The following ANO6 variants were observed in gnomAD, a reference collection of about 807,000 sequenced individuals.
ANO6 encodes anoctamin-6.
Under a neutral mutation model 117.5 loss-of-function variants are expected in ANO6, and 106 were observed. The ratio of observed to expected loss-of-function variants is 0.90; its 90% CI spans 0.77 to 1.06. The LOEUF (loss-of-function observed/expected upper bound fraction) is 1.06. Among genes scored for constraint, ANO6 ranks in the 50% least tolerant of loss-of-function variants. The pLI is 0.00. For synonymous variants in ANO6, 367 were observed against 385.1 expected (o/e 0.95, Z 0.55); for missense variants, 955 against 1,121.1 (o/e 0.85, Z 2.12).
rs191738759 is a variant in ANO6, at chr12:45,321,010, G to T, written c.151-10285G>T. ...ATCCCTTTATTTTGAGCCTATGTGT[G>T]TCTCTGCACGTGAGATGGGTTTCCT... On this transcript the variant is annotated intron_variant, in intron 2 of 19. Transcript: ENST00000320560. Among the ~76,000 whole-genome samples the T allele has an allele frequency of 1.3e-3, 200 of 151,906 alleles. 2 individuals are homozygous for T. The highest frequency in any genetic ancestry group is 4.6e-3 in the African/African-American group (190 of 41,474).
At chr12:45,374,653 AC>A (rs1483088948) in intron 9 of ANO6, among the ~76,000 whole-genome samples, 1 of 126,152 alleles carries the variant, frequency 7.9e-6, no homozygotes, top group Non-Finnish European at 1.6e-5. Context: ...AAATTCAACA[AC>A]CCTTCATGCT....
chr12:45,234,867 T>C (rs903821457), intron 1 of ANO6, among the ~76,000 whole-genome samples: 5 of 152,228 alleles, frequency 3.3e-5, no homozygotes, highest in African/African-American at 1.2e-4. Flanking sequence ...TTCTAATAAT[T>C]TGGCTTGTCC....
intron 12 of ANO6, among the ~76,000 whole-genome samples, chr12:45,393,662 C>T (rs946030096): frequency 8.5e-5 from 13 of 152,252 alleles, no homozygotes; most frequent in East Asian, 5.8e-4. Flanking sequence ...AGAAACCCTA[C>T]GAGCCAGAAG....
chr12:45,313,728 G>A (rs4768604), intron 2 of ANO6, among the ~76,000 whole-genome samples: 140,595 of 152,056 alleles, frequency 0.92, 65,986 homozygotes, highest in East Asian at 1. Context: ...GAGGTTGAGA[G>A]TTAATCATAC....
At chr12:45,260,022 G>GCTGTAATAACCTTGT (rs1937970787) in intron 1 of ANO6, among the ~76,000 whole-genome samples, 1 of 152,236 alleles carries the variant, frequency 6.6e-6, no homozygotes, top group Non-Finnish European at 1.5e-5. Flanking sequence ...CCTCTGTGCA[G>GCTGTAATAACCTTGT]CTGTAATAAC....
chr12:45,264,591 G>A (rs1310124494), intron 1 of ANO6, among the ~76,000 whole-genome samples: 1 of 152,296 alleles, frequency 6.6e-6, no homozygotes, highest in South Asian at 2.1e-4. Flanking sequence ...GATTAATATT[G>A]AGAGTAGGAA....
At chr12:45,434,930 CTCT>C (rs1489592986), downstream of ANO6, among the ~76,000 whole-genome samples, 1 of 152,168 alleles carries the variant, frequency 6.6e-6, no homozygotes, top group African/African-American at 2.4e-5. Context: ...TTCTTGAGAC[CTCT>C]TCTTCAGTCT....
At chr12:45,225,724 C>T (rs573604511) in intron 1 of ANO6, among the ~76,000 whole-genome samples, 98 of 152,262 alleles carry the variant, frequency 6.4e-4, no homozygotes, top group African/African-American at 2.2e-3. Context: ...CTCCTGACTT[C>T]GTTATCCTCC....
chr12:45,417,509 C>T (rs1034257451), intron 17 of ANO6, among the ~76,000 whole-genome samples: 1 of 152,122 alleles, frequency 6.6e-6, no homozygotes, highest in Admixed American at 6.5e-5. Flanking sequence ...GCCTCATGCC[C>T]TGTATGTATC....
Position 45,325,350 on chromosome 12 carries a change from A to G in ANO6, c.151-5945A>G, listed in dbSNP as rs1288674001. Among the ~76,000 whole-genome samples the G allele has an allele frequency of 3.9e-5, 6 of 152,332 alleles. No homozygotes were observed. In the East Asian group the frequency reaches 1.2e-3, roughly 29 times the overall value. On this transcript the variant is annotated intron_variant, in intron 2 of 19. Coordinates refer to ENST00000320560, the MANE Select transcript of ANO6 (RefSeq NM_001025356.3). ...CAAACTGGAAATGCTCACAGGGTCA[A>G]AAAAGCTTGAAGTAAGCATGGCTGG...
intron 2 of ANO6, among the ~76,000 whole-genome samples, chr12:45,313,022 T>G (rs1262251848): frequency 6.6e-6 from 1 of 152,084 alleles, no homozygotes; most frequent in East Asian, 1.9e-4. Flanking sequence ...GGTCATTCAG[T>G]GATGCTAATG....
Position 45,409,415 on chromosome 12 carries a change from C to G in ANO6, c.1939C>G (p.Pro647Ala), listed in dbSNP as rs764533208. Residue 647 changes from proline to alanine, a missense_variant, in exon 16 of 20, where the codon CCA (proline) becomes GCA (alanine). By Grantham distance (27) the Pro-to-Ala change is conservative (BLOSUM62 -1). Transcript: ENST00000320560. ...HRVSGSEKIT[P>A]RWEQDYHLQP... ...AGTTTCTGGATCAGAAAAGATAACC[C>G]CACGATGGGAACAGGACTACCATCT... 2 of 1,613,838 alleles carry G rather than the reference C, an allele frequency of 1.2e-6. No homozygotes were observed. The highest frequency in any genetic ancestry group is 2.7e-5 in the African/African-American group (2 of 74,892).
chr12:45,242,347 T>C (rs1947758047), intron 1 of ANO6, among the ~76,000 whole-genome samples: 1 of 152,248 alleles, frequency 6.6e-6, no homozygotes, highest in South Asian at 2.1e-4. Flanking sequence ...GCACTAGCAG[T>C]GAGCAAGGCT....
intron 9 of ANO6, among the ~76,000 whole-genome samples, chr12:45,369,503 T>A (rs1436911856): frequency 6.7e-6 from 1 of 148,298 alleles, no homozygotes; most frequent in Admixed American, 6.6e-5. Context: ...TTTTTTGTTT[T>A]GAAAAAAAAA....
intron 7 of ANO6, among the ~76,000 whole-genome samples, chr12:45,351,252 T>C (rs960204124): frequency 1.3e-5 from 2 of 152,226 alleles, no homozygotes; most frequent in African/African-American, 4.8e-5. Context: ...AATTCCATAT[T>C]GCACAGAAGT....
At chr12:45,277,239 C>T (rs1252956722) in intron 1 of ANO6, among the ~76,000 whole-genome samples, 2 of 152,162 alleles carry the variant, frequency 1.3e-5, no homozygotes, top group Non-Finnish European at 2.9e-5. Flanking sequence ...GTAATACTTT[C>T]CACAGATGAG....
At chr12:45,345,228 T>C (rs937376704) in intron 3 of ANO6, among the ~76,000 whole-genome samples, 1 of 152,218 alleles carries the variant, frequency 6.6e-6, no homozygotes, top group South Asian at 2.1e-4. Context: ...TTTCTGATAC[T>C]TCAACACAAT....
At chr12:45,354,265 G>A (rs1941355474) in intron 7 of ANO6, among the ~76,000 whole-genome samples, 1 of 151,166 alleles carries the variant, frequency 6.6e-6, no homozygotes, top group Non-Finnish European at 1.5e-5. Context: ...TCATACAAAG[G>A]ATCAAGACTC....
At chr12:45,223,459 T>C (rs1031513921) in intron 1 of ANO6, among the ~76,000 whole-genome samples, 1 of 152,138 alleles carries the variant, frequency 6.6e-6, no homozygotes, top group Non-Finnish European at 1.5e-5. Flanking sequence ...AATAAGAGAA[T>C]AGAAAAAACA....
Sources: allele counts gnomAD v4.1 joint callset (sites outside exome capture counted in the v4.1 genomes callset), GRCh38; gene constraint gnomAD v4.1.1; transcripts MANE v1.5; gene names NCBI Gene and HGNC (gene_info 2026-07-23, HGNC 2026-07-21).